The following CRHR2 variants were observed in gnomAD, a reference collection of about 807,000 sequenced individuals.
The protein encoded by CRHR2 is corticotropin releasing hormone receptor 2.
Under a neutral mutation model 57.9 loss-of-function variants are expected in CRHR2, and 53 were observed. That is an observed-to-expected ratio of 0.92 (90% CI 0.73 to 1.15). CRHR2 has a LOEUF of 1.15. CRHR2 is among the 50% of genes most tolerant of loss of function. The pLI is 0.00. For missense variants in CRHR2, 532 were observed against 542.6 expected, an observed-to-expected ratio of 0.98 and a Z score of 0.19; for synonymous variants, 213 against 220.9, an observed-to-expected ratio of 0.96 and a Z score of 0.32.
intron 3 of CRHR2, among the ~76,000 whole-genome samples, chr7:30,666,626 G>A (rs916120291): frequency 1.3e-5 from 2 of 152,242 alleles, no homozygotes; most frequent in African/African-American, 4.8e-5. Flanking sequence ...ACTTCATCTG[G>A]GGCAAAGTCC....
chr7:30,676,935 C>T lies in CRHR2; in HGVS notation c.229+4980G>A, dbSNP rs114951602. On this transcript the variant is annotated intron_variant, in intron 2 of 11. Transcript: ENST00000471646. ...CTGGCAGATGCCTCAGTACAGATGA[C>T]CCCAGCCATTCCCAGTAGGACATTG... Among the ~76,000 whole-genome samples, 415 of 152,320 alleles carry T rather than the reference C, an allele frequency of 2.7e-3. 2 individuals are homozygous for T. Among genetic ancestry groups the T allele is most frequent in the African/African-American group, 9.5e-3 (393 of 41,568 alleles).
chr7:30,696,350 A>G (rs1308084383), intron 1 of CRHR2, among the ~76,000 whole-genome samples: 1 of 152,250 alleles, frequency 6.6e-6, no homozygotes, highest in African/African-American at 2.4e-5. Context: ...GTGATTTTCT[A>G]CACATTGCAT....
At chr7:30,655,113 G>C in intron 10 of CRHR2, 33 bp from the exon 11 acceptor site, 2 of 1,609,084 alleles carry the variant, frequency 1.2e-6, no homozygotes, top group African/African-American at 2.7e-5. Context: ...AGTGGTCAGT[G>C]ACCTACCTGC....
At chr7:30,660,726 G>C in intron 7 of CRHR2, 81 bp from the exon 8 acceptor site, 1 of 1,357,824 alleles carries the variant, frequency 7.4e-7, no homozygotes, top group East Asian at 2.5e-5. Flanking sequence ...GGGTCCTCCA[G>C]CTTTACCCTT....
chr7:30,654,904 C>T (rs997565620), intron 11 of CRHR2, 135 bp downstream of exon 11: 2 of 1,551,638 alleles, frequency 1.3e-6, no homozygotes, highest in African/African-American at 2.7e-5. Flanking sequence ...TTCCTGTTCC[C>T]CTAAGGCCGG....
Position 30,655,955 on chromosome 7 carries a change from A to G in CRHR2, c.889T>C (p.Ser297Pro). 6.2e-7 allele frequency: 1 copy of G among 1,612,996 alleles called. No individual in the cohort carries two copies. The highest frequency in any genetic ancestry group is 1.3e-5 in the African/African-American group (1 of 74,884). The change falls in exon 9 of 12, where the codon TCC becomes CCC. Residue 297 changes from serine to proline, a missense_variant. Ser to Pro is a moderately conservative substitution (Grantham distance 74, BLOSUM62 -1). Coordinates refer to ENST00000471646, the MANE Select transcript of CRHR2 (RefSeq NM_001883.5). ...TACTGGATTGTCTCGGATGTGGTGG[A>G]CGCGCGTAACTTTGTCATTAGGATC... ...VRILMTKLRA[S>P]TTSETIQYRK...
At chr7:30,699,768 C>T (rs1785130946) in intron 1 of CRHR2, 1 of 518,654 alleles carries the variant, frequency 1.9e-6, no homozygotes, top group Non-Finnish European at 3.3e-6. Flanking sequence ...TCCAGCCCAG[C>T]CACCAGGCCC....
intron 1 of CRHR2, chr7:30,689,319 G>T (rs1195245611): frequency 6.6e-7 from 1 of 1,517,502 alleles, no homozygotes; most frequent in South Asian, 1.2e-5. Context: ...CAAAGATCAG[G>T]CCCAGGCTAG....
chr7:30,669,610 T>C (rs1376261008), intron 2 of CRHR2, among the ~76,000 whole-genome samples: 1 of 152,138 alleles, frequency 6.6e-6, no homozygotes, highest in Non-Finnish European at 1.5e-5. Flanking sequence ...CTCCTGCCCA[T>C]CCCTCCATCT....
chr7:30,679,986 T>A (rs1417787125), intron 2 of CRHR2, among the ~76,000 whole-genome samples: 1 of 152,220 alleles, frequency 6.6e-6, no homozygotes, highest in African/African-American at 2.4e-5. Flanking sequence ...TTGGTCTAAA[T>A]GAAGAAAATT....
At chr7:30,695,060 G>C (rs1050805243) in intron 1 of CRHR2, among the ~76,000 whole-genome samples, 26 of 140,054 alleles carry the variant, frequency 1.9e-4, no homozygotes, top group African/African-American at 6.7e-4. Context: ...GGGAGGAGGG[G>C]GAAGAGGGGA....
At chr7:30,667,402 C>G (rs941877160) in intron 2 of CRHR2, 89 bp from the exon 3 acceptor site, 1 of 1,011,536 alleles carries the variant, frequency 9.9e-7, no homozygotes, top group African/African-American at 1.6e-5. Flanking sequence ...ATAAGGTGTA[C>G]GCACCTCAGC....
chr7:30,663,981 G>A (rs1784100041), intron 5 of CRHR2, among the ~76,000 whole-genome samples: 1 of 152,200 alleles, frequency 6.6e-6, no homozygotes, highest in Non-Finnish European at 1.5e-5. Flanking sequence ...CCCTGTGGCT[G>A]GCTGTCTCCT....
At chr7:30,660,294 G>A (rs1411135293) in intron 8 of CRHR2, among the ~76,000 whole-genome samples, 15 of 152,234 alleles carry the variant, frequency 9.9e-5, no homozygotes, top group Admixed American at 9.8e-4. Flanking sequence ...GTCAGACCGG[G>A]AGGGCACAGG....
At chr7:30,662,654 C>T (rs760270289) in intron 6 of CRHR2, 40 bp downstream of exon 6, 8 of 1,597,678 alleles carry the variant, frequency 5.0e-6, no homozygotes, top group Non-Finnish European at 6.8e-6. Context: ...GGTGAGAAGT[C>T]CTCCCCCCAA....
At chr7:30,666,534 G>A (rs555873020) in intron 3 of CRHR2, among the ~76,000 whole-genome samples, 36 of 152,342 alleles carry the variant, frequency 2.4e-4, no homozygotes, top group African/African-American at 8.4e-4. Flanking sequence ...CCATTGAGTG[G>A]CCTCCCTGCA....
intron 1 of CRHR2, among the ~76,000 whole-genome samples, chr7:30,694,752 G>C (rs1785024840): frequency 6.6e-6 from 1 of 151,598 alleles, no homozygotes; most frequent in Non-Finnish European, 1.5e-5. Context: ...AGGGAGCACA[G>C]AGTTAGAGGA....
chr7:30,654,913 G>A (rs182287260), intron 11 of CRHR2, 126 bp downstream of exon 11: 30 of 1,552,882 alleles, frequency 1.9e-5, no homozygotes, highest in African/African-American at 6.8e-5. Context: ...CCCTAAGGCC[G>A]GGTGGTATCT....
intron 1 of CRHR2, among the ~76,000 whole-genome samples, chr7:30,690,061 T>C (rs940603100): frequency 3.3e-5 from 5 of 152,170 alleles, no homozygotes; most frequent in Non-Finnish European, 7.4e-5. Flanking sequence ...TAAAAAATCA[T>C]CAGAGTGGGT....
Sources: allele counts gnomAD v4.1 joint callset (sites outside exome capture counted in the v4.1 genomes callset), GRCh38; gene constraint gnomAD v4.1.1; transcripts MANE v1.5; gene names NCBI Gene and HGNC (gene_info 2026-07-23, HGNC 2026-07-21).